Variants in ANKS3 observed in about 807,000 individuals in gnomAD.
ANKS3 encodes ankyrin repeat and SAM domain-containing protein 3.
A neutral mutation model predicts 80.7 loss-of-function variants in ANKS3; 62 were observed. The ratio of observed to expected loss-of-function variants is 0.77; its 90% confidence interval spans 0.63 to 0.95. ANKS3 has a LOEUF of 0.95. ANKS3 is among the 40% of genes least tolerant of loss of function. The probability of loss-of-function intolerance (pLI) is 0.00; values close to 1 mark genes in which losing one functional copy is unlikely to be tolerated. For synonymous variants in ANKS3, 489 were observed against 355.3 expected (o/e 1.38, Z -4.23); for missense variants, 1,150 against 883.6 (o/e 1.30, Z -3.82).
At position 4,699,088 on chromosome 16, in the gene ANKS3, G is replaced by A; in HGVS notation, c.1373C>T (p.Thr458Ile). ...EQDVDLRIFLTLTESDLKEIG... is the reference protein window; with the variant it reads ...EQDVDLRIFLILTESDLKEIG... ...TTCCTTCAGGTCGCTCTCAGTGAGG[G>A]TCAGAAAGATGCGGAGGTCCACGTC... The change falls in exon 12 of 18, where the codon ACC becomes ATC. Residue 458 changes from threonine to isoleucine, a missense_variant. Coordinates refer to ENST00000304283, the MANE Select transcript of ANKS3 (RefSeq NM_133450.4). 1.2e-6 allele frequency: 2 copies of A among 1,614,172 alleles called. No homozygotes were observed. Among genetic ancestry groups the A allele is most frequent in the Non-Finnish European group, 1.7e-6 (2 of 1,180,042 alleles).
In ANKS3 at chr16:4,716,889, T is replaced by C. The variant is rs557853227; in HGVS notation, c.574-2703A>G. On this transcript the variant is annotated intron_variant, in intron 6 of 17. Coordinates refer to ENST00000304283, the MANE Select transcript of ANKS3 (RefSeq NM_133450.4). ...GAGATCGCGCCACTGCACTACAGCCTCGACGACAGACTGAGATTCCATCTC... is the reference window on the plus strand; with the variant it reads ...GAGATCGCGCCACTGCACTACAGCCCCGACGACAGACTGAGATTCCATCTC... Among the ~76,000 whole-genome samples, 4 of 151,918 alleles carry C rather than the reference T, an allele frequency of 2.6e-5. 1 individual carries two copies. Among genetic ancestry groups the C allele is most frequent in the Admixed American group, 1.3e-4 (2 of 15,228 alleles).
At position 4,724,060 on chromosome 16, in the gene ANKS3, A is replaced by G. The variant is rs188114765; in HGVS notation, c.573+690T>C. Among the ~76,000 whole-genome samples the G allele has an allele frequency of 2.7e-3, 413 of 152,336 alleles. 5 individuals are homozygous for G. Among genetic ancestry groups the G allele is most frequent in the African/African-American group, 8.4e-3 (349 of 41,580 alleles). On this transcript the variant is annotated intron_variant, in intron 6 of 17. Coordinates refer to ENST00000304283, the MANE Select transcript of ANKS3 (RefSeq NM_133450.4). The stretch of plus-strand genomic sequence containing the variant: ...GGGATACAGGGCAACACCATGTCTC[A>G]AAAAAATAAATTAATAAAATAAAAC...
rs1181268657 is a variant in ANKS3 at position 4,705,224 on chromosome 16, C to T, written c.739G>A (p.Glu247Lys). ...TGTCTCTGAGGAGCAGGGCAGGACTCGTCAGAAGAGCTCAGATCTTCGTAC... is the reference window on the plus strand; with the variant it reads ...TGTCTCTGAGGAGCAGGGCAGGACTTGTCAGAAGAGCTCAGATCTTCGTAC... ...EKYEDLSSSD[E>K]SCPAPQRQRP... The change falls in exon 8 of 18, where the codon GAG (glutamate) becomes AAG (lysine). Residue 247 changes from glutamate (E) to lysine (K), a missense_variant. By Grantham distance (56) the Glu-to-Lys change is moderately conservative (BLOSUM62 1). Transcript: ENST00000304283. The T allele has an allele frequency of 9.9e-6, 16 of 1,613,864 alleles. No homozygotes were observed. Among genetic ancestry groups the T allele is most frequent in the African/African-American group, 1.3e-5 (1 of 74,944 alleles).
chr16:4,698,013 C>T lies in ANKS3; in HGVS notation c.1774G>A (p.Gly592Ser). 6.2e-7 allele frequency: 1 copy of T among 1,607,180 alleles called. No individual in the cohort carries two copies. The highest frequency in any genetic ancestry group is 8.5e-7 in the Non-Finnish European group (1 of 1,177,712). The change falls in exon 15 of 18, where the codon GGT becomes AGT. Residue 592 changes from glycine to serine, a missense_variant. Gly to Ser is a moderately conservative substitution (Grantham distance 56). Coordinates refer to ENST00000304283, the MANE Select transcript of ANKS3 (RefSeq NM_133450.4). ...ACGGCTAGGCCCAGAGTGGCTGCAC[C>T]AGGGGGCTGGTCCTGCCTCACTCGA... ...SSRVRQDQPPGAATLGLAVPP... is the reference protein window; with the variant it reads ...SSRVRQDQPPSAATLGLAVPP...
At chr16:4,723,267 C>A (rs2081193948) in intron 6 of ANKS3, among the ~76,000 whole-genome samples, 1 of 152,230 alleles carries the variant, frequency 6.6e-6, no homozygotes, top group Admixed American at 6.5e-5. Flanking sequence ...AATTTTAGCA[C>A]ATTTTTATCA....
intron 13 of ANKS3, 53 bp downstream of exon 13, chr16:4,698,747 G>C (rs1410273937): frequency 6.4e-7 from 1 of 1,557,362 alleles, no homozygotes; most frequent in Non-Finnish European, 8.6e-7. Flanking sequence ...GTCAGAGATG[G>C]AGCCAACTCA....
intron 6 of ANKS3, among the ~76,000 whole-genome samples, chr16:4,720,803 G>A (rs142419321): frequency 0.14 from 20,396 of 150,398 alleles, 2,184 homozygotes; most frequent in East Asian, 0.29. Context: ...TGGGCGTGGT[G>A]GCACACGCCT....
chr16:4,704,451 G>C (rs2080080317), intron 8 of ANKS3, among the ~76,000 whole-genome samples: 1 of 152,044 alleles, frequency 6.6e-6, no homozygotes, highest in South Asian at 2.1e-4. Flanking sequence ...CTGAGCTCTG[G>C]GACAGACCAC....
At position 4,724,821 on chromosome 16, in the gene ANKS3, A is replaced by G. The variant is rs62036061; in HGVS notation, c.502T>C (p.Cys168Arg). The stretch of plus-strand genomic sequence containing the variant: ...GCTTCCATCAAGGGAGTAAATCCAC[A>G]TATCGGCTCCCTGCAAGATGTGGGC... The part of the protein sequence containing the change: ...GANANVREPI[C>R]GFTPLMEAAA... The change falls in exon 6 of 18, where the codon TGT becomes CGT. Residue 168 changes from cysteine to arginine, a missense_variant. Cys to Arg is a radical substitution (Grantham distance 180, BLOSUM62 -3). Coordinates refer to ENST00000304283, the MANE Select transcript of ANKS3 (RefSeq NM_133450.4). The G allele has an allele frequency of 2.5e-6, 4 of 1,614,096 alleles. No individual in the cohort carries two copies. Among genetic ancestry groups the G allele is most frequent in the Admixed American group, 1.7e-5 (1 of 59,998 alleles).
At chr16:4,699,985 C>G (rs919274214) in intron 11 of ANKS3, 1 of 152,476 alleles carries the variant, frequency 6.6e-6, no homozygotes, top group African/African-American at 2.4e-5. Context: ...ACTACCCTGA[C>G]CAGACTCCAC....
intron 16 of ANKS3, 77 bp from the exon 17 acceptor site, chr16:4,697,181 C>T: frequency 6.4e-7 from 1 of 1,570,792 alleles, no homozygotes; most frequent in Admixed American, 1.7e-5. Context: ...GTCTCAGCTG[C>T]AGGATGTGAC....
At position 4,727,246 on chromosome 16, in the gene ANKS3, C is replaced by T. The variant is rs975306933; in HGVS notation, c.171-69G>A. ...ATGTGGGGTTCACCAAAGCTGGTGG[C>T]GAGGCTAGGCCAGGCGGGATGAGTT... On this transcript the variant is annotated intron_variant, in intron 3 of 17. Coordinates refer to ENST00000304283, the MANE Select transcript of ANKS3 (RefSeq NM_133450.4). The T allele has an allele frequency of 1.2e-5, 18 of 1,527,622 alleles. No homozygotes were observed. In the Middle Eastern group the frequency reaches 1.0e-3, roughly 86 times the overall value. The allele number at this position is 1,527,622 out of a possible 1,614,324, so 94.6% of individuals were successfully genotyped here. A position where few individuals can be genotyped will look rare whatever the true frequency, so the allele number is the denominator to read the frequency against.
At chr16:4,698,189 C>A in intron 14 of ANKS3, 127 bp from the exon 15 acceptor site, 1 of 1,217,076 alleles carries the variant, frequency 8.2e-7, no homozygotes, top group Admixed American at 2.5e-5. Context: ...TGGGCTGGGC[C>A]AGTGCCCCAT....
In ANKS3 at chr16:4,724,838, G is replaced by T; in HGVS notation, c.492-7C>A. On this transcript the variant is annotated splice_polypyrimidine_tract_variant and splice_region_variant and intron_variant, in intron 5 of 17. Coordinates refer to ENST00000304283, the MANE Select transcript of ANKS3 (RefSeq NM_133450.4). Reference sequence around the variant, plus strand: ...AAATCCACATATCGGCTCCCTGCAAGATGTGGGCCACAGTCAGATGATTGG... The same window carrying T: ...AAATCCACATATCGGCTCCCTGCAATATGTGGGCCACAGTCAGATGATTGG... The T allele has an allele frequency of 6.2e-7, 1 of 1,613,492 alleles. No individual in the cohort carries two copies. Among genetic ancestry groups the T allele is most frequent in the Non-Finnish European group, 8.5e-7 (1 of 1,179,716 alleles).
intron 6 of ANKS3, among the ~76,000 whole-genome samples, chr16:4,723,350 G>C (rs2081197658): frequency 1.3e-5 from 2 of 152,168 alleles, no homozygotes; most frequent in Admixed American, 6.6e-5. Context: ...GCTTATTCTG[G>C]ACATTTCCTA....
At chr16:4,721,861 C>G (rs1309741304) in intron 6 of ANKS3, among the ~76,000 whole-genome samples, 1 of 151,186 alleles carries the variant, frequency 6.6e-6, no homozygotes. Context: ...GTCTCAAACT[C>G]CTGACCTCAA....
intron 6 of ANKS3, among the ~76,000 whole-genome samples, chr16:4,715,040 A>G (rs1366534575): frequency 1.3e-5 from 2 of 151,248 alleles, no homozygotes; most frequent in Non-Finnish European, 2.9e-5. Context: ...GCATATTCAC[A>G]ATAATGAAAA....
At chr16:4,711,331 G>A (rs902445428) in intron 7 of ANKS3, among the ~76,000 whole-genome samples, 3 of 151,382 alleles carry the variant, frequency 2.0e-5, no homozygotes, top group South Asian at 2.1e-4. Context: ...TCGAACTCCC[G>A]ACCTCAGGTG....
In ANKS3 at chr16:4,698,606, G is replaced by T. The variant is rs775772589; in HGVS notation, c.1552-7C>A. The T allele has an allele frequency of 3.0e-5, 47 of 1,548,504 alleles. No homozygotes were observed. In the African/African-American group the frequency reaches 4.8e-4, roughly 16 times the overall value. ...CCTCTACCTCCTCGCAGCGCTGCAG[G>T]GGGGTGGGGGGCGCGGGGAGGCTGG... On this transcript the variant is annotated splice_polypyrimidine_tract_variant and splice_region_variant and intron_variant, in intron 13 of 17. Transcript: ENST00000304283.
Sources: allele counts gnomAD v4.1 joint callset (sites outside exome capture counted in the v4.1 genomes callset), GRCh38; gene constraint gnomAD v4.1.1; transcripts MANE v1.5; gene names NCBI Gene and HGNC (gene_info 2026-07-23, HGNC 2026-07-21).